SPPL3: variants seen among roughly 807,000 people sequenced by gnomAD.
The protein encoded by SPPL3 is signal peptide peptidase like 3.
SPPL3 carries 5 observed loss-of-function variants against 42.4 expected under a neutral mutation model. That is an observed-to-expected ratio of 0.12 (90% CI 0.06 to 0.25). The LOEUF (loss-of-function observed/expected upper bound fraction) is 0.25, where lower values mean the gene tolerates loss of function less well. SPPL3 is among the 10% of genes least tolerant of loss of function. The probability of loss-of-function intolerance (pLI) is 1.00; values close to 1 mark genes in which losing one functional copy is unlikely to be tolerated. For synonymous variants in SPPL3, 195 were observed against 181.8 expected, an observed-to-expected ratio of 1.07 and a Z score of -0.58; for missense variants, 235 against 489.0, an observed-to-expected ratio of 0.48 and a Z score of 4.90.
intron 1 of SPPL3, among the ~76,000 whole-genome samples, chr12:120,864,402 G>A (rs1484989640): frequency 6.6e-6 from 1 of 152,142 alleles, no homozygotes; most frequent in African/African-American, 2.4e-5. Flanking sequence ...GGGTGTGGTG[G>A]CACATGCCTG....
At chr12:120,840,801 C>G (rs1871798104) in intron 1 of SPPL3, among the ~76,000 whole-genome samples, 1 of 151,512 alleles carries the variant, frequency 6.6e-6, no homozygotes, top group African/African-American at 2.4e-5. Flanking sequence ...CATTACACAC[C>G]CCAGCCTGGG....
intron 1 of SPPL3, among the ~76,000 whole-genome samples, chr12:120,872,259 T>G (rs648262): frequency 6.6e-6 from 1 of 152,174 alleles, no homozygotes; most frequent in East Asian, 1.9e-4. Flanking sequence ...ACTCTCAATT[T>G]GGAACATGAA....
At chr12:120,796,995 C>T (rs930721785) in intron 2 of SPPL3, among the ~76,000 whole-genome samples, 10 of 152,096 alleles carry the variant, frequency 6.6e-5, no homozygotes, top group Non-Finnish European at 1.5e-4. Context: ...CATGGTGAAA[C>T]CCTGTCTCTA....
At chr12:120,785,850 G>C (rs1237496575) in intron 3 of SPPL3, among the ~76,000 whole-genome samples, 1 of 145,702 alleles carries the variant, frequency 6.9e-6, no homozygotes, top group Non-Finnish European at 1.5e-5. Context: ...GTTATCTTGA[G>C]CCTGTAGTTC....
intron 1 of SPPL3, among the ~76,000 whole-genome samples, chr12:120,851,034 T>C (rs776717853): frequency 1.4e-4 from 21 of 152,306 alleles, no homozygotes; most frequent in Non-Finnish European, 2.9e-4. Context: ...GATTAGGACA[T>C]GGACATGTTT....
chr12:120,832,861 C>T (rs1212161022), intron 1 of SPPL3, among the ~76,000 whole-genome samples: 1 of 152,092 alleles, frequency 6.6e-6, no homozygotes, highest in Non-Finnish European at 1.5e-5. Context: ...TTACAAACAA[C>T]CAGTGTGTTA....
At chr12:120,903,710 G>T (rs1298525772) in intron 1 of SPPL3, 135 bp downstream of exon 1, 1 of 749,954 alleles carries the variant, frequency 1.3e-6, no homozygotes, top group Non-Finnish European at 2.0e-6. Flanking sequence ...TGGGGAAGAG[G>T]GGGGCGTGCA....
At chr12:120,782,629 C>A (rs1397546651) in intron 6 of SPPL3, 26 bp downstream of exon 6, 5 of 1,505,226 alleles carry the variant, frequency 3.3e-6, no homozygotes, top group Non-Finnish European at 4.6e-6. Flanking sequence ...AGTAAAATTA[C>A]AATTTGTCAC....
intron 7 of SPPL3, 61 bp downstream of exon 7, chr12:120,768,892 G>C (rs1298857664): frequency 2.3e-5 from 32 of 1,419,934 alleles, no homozygotes; most frequent in Non-Finnish European, 2.9e-5. Flanking sequence ...ATAGTTTTCA[G>C]GCATGAATGC....
chr12:120,846,671 A>G (rs1425126720), intron 1 of SPPL3, among the ~76,000 whole-genome samples: 1 of 152,222 alleles, frequency 6.6e-6, no homozygotes, highest in Non-Finnish European at 1.5e-5. Flanking sequence ...ATTTTTTAAG[A>G]ATAACAAAGC....
At chr12:120,852,232 T>C (rs967084437) in intron 1 of SPPL3, among the ~76,000 whole-genome samples, 2 of 151,538 alleles carry the variant, frequency 1.3e-5, no homozygotes, top group African/African-American at 4.8e-5. Context: ...GACAAATAAT[T>C]TAGGAAACTC....
Position 120,856,937 on chromosome 12 carries a change from C to CTTA in SPPL3, c.24-46054_24-46052dup, listed in dbSNP as rs1202011300. On this transcript the variant is annotated intron_variant, in intron 1 of 10. Transcript: ENST00000353487. ...TTTAAAGGAGCTCTGTACATTCCAA[C>CTTA]TTATGGCCTGTACAAGGGGATGGAG... 5.3e-5 allele frequency among the ~76,000 whole-genome samples: 8 copies of CTTA among 152,270 alleles called. No homozygotes were observed. The East Asian group carries it at 1.5e-3, about 29-fold the overall frequency.
At chr12:120,810,623 A>G (rs1381551564) in intron 2 of SPPL3, among the ~76,000 whole-genome samples, 186 bp downstream of exon 2, 4 of 152,228 alleles carry the variant, frequency 2.6e-5, no homozygotes, top group Non-Finnish European at 5.9e-5. Context: ...CTAAACTCAT[A>G]AGCACAATGA....
At chr12:120,901,622 C>A (rs1215292097) in intron 1 of SPPL3, among the ~76,000 whole-genome samples, 1 of 150,892 alleles carries the variant, frequency 6.6e-6, no homozygotes, top group Non-Finnish European at 1.5e-5. Context: ...GGAAACTGCC[C>A]ACTTTCCCCA....
At chr12:120,869,951 C>A (rs1022356423) in intron 1 of SPPL3, among the ~76,000 whole-genome samples, 3 of 152,210 alleles carry the variant, frequency 2.0e-5, no homozygotes, top group African/African-American at 4.8e-5. Flanking sequence ...AAACTACTCA[C>A]ACTAGCATGT....
Position 120,862,735 on chromosome 12 carries a change from C to T in SPPL3, c.23+41110G>A, listed in dbSNP as rs74539376. On this transcript the variant is annotated intron_variant, in intron 1 of 10. Transcript: ENST00000353487. Reference sequence around the variant, plus strand: ...ATTTTTAAGGATTTTTTGGAGGTTCCATTACACAGGCATGATTGATTAAAT... The same window carrying T: ...ATTTTTAAGGATTTTTTGGAGGTTCTATTACACAGGCATGATTGATTAAAT... Among the ~76,000 whole-genome samples the T allele has an allele frequency of 9.2e-3, 1,393 of 152,184 alleles. 19 individuals carry two copies. The highest frequency in any genetic ancestry group is 0.012 in the Non-Finnish European group (849 of 68,006).
chr12:120,863,010 GC>G (rs1872655047), intron 1 of SPPL3, among the ~76,000 whole-genome samples: 1 of 152,086 alleles, frequency 6.6e-6, no homozygotes, highest in Non-Finnish European at 1.5e-5. Context: ...TATTATAAAA[GC>G]TATTATGCCA....
chr12:120,778,157 C>G (rs1229584180), intron 6 of SPPL3, among the ~76,000 whole-genome samples: 1 of 108,470 alleles, frequency 9.2e-6, no homozygotes, highest in East Asian at 2.9e-4. Flanking sequence ...TACTCTGTTG[C>G]CCAGGCTGGA....
At chr12:120,795,822 T>A (rs1870078371) in intron 2 of SPPL3, among the ~76,000 whole-genome samples, 1 of 152,220 alleles carries the variant, frequency 6.6e-6, no homozygotes, top group Admixed American at 6.5e-5. Flanking sequence ...CTTCTCCTCT[T>A]TCAGGGACTC....
Sources: allele counts gnomAD v4.1 joint callset (sites outside exome capture counted in the v4.1 genomes callset), GRCh38; gene constraint gnomAD v4.1.1; transcripts MANE v1.5; gene names NCBI Gene and HGNC (gene_info 2026-07-23, HGNC 2026-07-21).